The following GTF2E2 variants were observed in gnomAD, a reference collection of about 807,000 sequenced individuals.
The protein encoded by GTF2E2 is general transcription factor IIE subunit 2, also known as transcription initiation factor IIE subunit beta.
Under a neutral mutation model 40.5 loss-of-function variants are expected in GTF2E2, and 21 were observed. That is an observed-to-expected ratio of 0.52 (90% confidence interval 0.37 to 0.75). The LOEUF (loss-of-function observed/expected upper bound fraction) is 0.75, where lower values mean the gene tolerates loss of function less well. Ranked by LOEUF, GTF2E2 falls within the 30% of genes least tolerant of loss-of-function variation. GTF2E2 has a pLI of 0.00. For missense variants in GTF2E2, 298 were observed against 338.4 expected (o/e 0.88, Z 0.94); for synonymous variants, 117 against 121.6 (o/e 0.96, Z 0.25).
chr8:30,584,834 A>C (rs190688380), intron 6 of GTF2E2: 1 of 152,178 alleles, frequency 6.6e-6, no homozygotes, highest in Non-Finnish European at 1.5e-5. Flanking sequence ...TTTCCTGCAC[A>C]AAGTGGTGCA....
At chr8:30,621,712 A>T (rs1461164106) in intron 3 of GTF2E2, among the ~76,000 whole-genome samples, 2 of 152,036 alleles carry the variant, frequency 1.3e-5, no homozygotes, top group Non-Finnish European at 2.9e-5. Flanking sequence ...CTTACTGAAT[A>T]TACCTATTAA....
At chr8:30,645,740 T>A in intron 2 of GTF2E2, 1 of 761,890 alleles carries the variant, frequency 1.3e-6, no homozygotes, top group East Asian at 2.7e-5. Context: ...AAAAAAAAGT[T>A]AAACATGCAC....
intron 6 of GTF2E2, among the ~76,000 whole-genome samples, chr8:30,605,942 T>A (rs181529784): frequency 6.6e-6 from 1 of 152,308 alleles, no homozygotes; most frequent in African/African-American, 2.4e-5. Context: ...ATTAGAGGCA[T>A]GAGCCACCAT....
chr8:30,645,341 CCT>C (rs1430023208), intron 2 of GTF2E2: 1 of 1,535,626 alleles, frequency 6.5e-7, no homozygotes, highest in Non-Finnish European at 8.7e-7. Flanking sequence ...GAAACCACTA[CCT>C]CTGTTTATCA....
intron 1 of GTF2E2, among the ~76,000 whole-genome samples, chr8:30,656,212 C>G (rs1234398024): frequency 6.6e-6 from 1 of 152,160 alleles, no homozygotes; most frequent in Admixed American, 6.5e-5. Flanking sequence ...CTGTCCACAT[C>G]CAGCCCAATT....
chr8:30,591,906 T>C (rs1026441564), intron 6 of GTF2E2, among the ~76,000 whole-genome samples: 5 of 152,140 alleles, frequency 3.3e-5, no homozygotes, highest in African/African-American at 9.7e-5. Context: ...GAAAAGTGTA[T>C]GGCCATACAA....
intron 2 of GTF2E2, among the ~76,000 whole-genome samples, chr8:30,646,979 C>CAAAAAAAAAAAAAAAAA (rs56762565): frequency 2.0e-5 from 1 of 51,212 alleles, no homozygotes; most frequent in Non-Finnish European, 3.2e-5. Flanking sequence ...GACTCCGTCT[C>CAAAAAAAAAAAAAAAAA]AAAAAAAAAA....
At chr8:30,623,571 G>C (rs1801177017) in intron 3 of GTF2E2, among the ~76,000 whole-genome samples, 1 of 151,998 alleles carries the variant, frequency 6.6e-6, no homozygotes, top group South Asian at 2.1e-4. Flanking sequence ...TCTAGTTCTA[G>C]ATCCCTGAGG....
Position 30,578,934 on chromosome 8 carries a change from G to A in GTF2E2, c.863C>T (p.Thr288Ile). ...AGVLKDYSDI[T>I]SSK Reference sequence around the variant, plus strand: ...CAAAACTGTTCCCTATTTGCTGGAAGTAATGTCAGAGTAATCCTTCAGCAC... The same window carrying A: ...CAAAACTGTTCCCTATTTGCTGGAAATAATGTCAGAGTAATCCTTCAGCAC... The change falls in exon 8 of 8, where the codon ACT (threonine) becomes ATT (isoleucine). Residue 288 changes from threonine (T) to isoleucine (I), a missense_variant. Transcript: ENST00000355904. The A allele has an allele frequency of 6.5e-7, 1 of 1,543,574 alleles. No individual in the cohort carries two copies. The highest frequency in any genetic ancestry group is 9.0e-7 in the Non-Finnish European group (1 of 1,115,648).
intron 3 of GTF2E2, among the ~76,000 whole-genome samples, chr8:30,620,713 T>C (rs1297740198): frequency 2.1e-5 from 1 of 47,124 alleles, no homozygotes; most frequent in African/African-American, 2.1e-4. Context: ...TCACCTGAGT[T>C]CAGTAAGTAG....
At chr8:30,647,719 A>C (rs938032862) in intron 2 of GTF2E2, among the ~76,000 whole-genome samples, 1 of 152,270 alleles carries the variant, frequency 6.6e-6, no homozygotes, top group Admixed American at 6.5e-5. Flanking sequence ...GATATATAAA[A>C]TACTTTGGAA....
At chr8:30,642,944 T>A (rs1368573941) in intron 2 of GTF2E2, among the ~76,000 whole-genome samples, 1 of 152,192 alleles carries the variant, frequency 6.6e-6, no homozygotes, top group African/African-American at 2.4e-5. Flanking sequence ...ACCTCAAAAG[T>A]AGATGAGATA....
intron 3 of GTF2E2, among the ~76,000 whole-genome samples, chr8:30,619,391 T>C (rs945823943): frequency 1.0e-4 from 6 of 59,662 alleles, no homozygotes; most frequent in African/African-American, 5.7e-4. Flanking sequence ...ATAAACTGAC[T>C]TTTTTTTTTT....
In GTF2E2 at chr8:30,634,558, C is replaced by A. The variant is rs148249054; in HGVS notation, c.258+474G>T. 3.2e-3 allele frequency among the ~76,000 whole-genome samples: 489 copies of A among 152,252 alleles called. 1 individual carries two copies. Among genetic ancestry groups the A allele is most frequent in the African/African-American group, 0.011 (470 of 41,548 alleles). On this transcript the variant is annotated intron_variant, in intron 3 of 7. Coordinates refer to ENST00000355904, the MANE Select transcript of GTF2E2 (RefSeq NM_002095.6). Reference sequence around the variant, plus strand: ...TTCCATCAAACATTAAATTCTAATTCTTTTGTGAGTCAATGTTTTTCTAAG... The same window carrying A: ...TTCCATCAAACATTAAATTCTAATTATTTTGTGAGTCAATGTTTTTCTAAG...
intron 6 of GTF2E2, among the ~76,000 whole-genome samples, chr8:30,592,958 T>C (rs1828891921): frequency 6.6e-6 from 1 of 152,172 alleles, no homozygotes; most frequent in Non-Finnish European, 1.5e-5. Flanking sequence ...CCCAGCACTT[T>C]GGGAGGCTGA....
chr8:30,627,089 A>T lies in GTF2E2; in HGVS notation c.258+7943T>A, dbSNP rs539115795. ...TCATGCCAGCATGTTAAATGACAGT[A>T]AGTAAAATGCACAGCATGAGAAACT... On this transcript the variant is annotated intron_variant, in intron 3 of 7. Transcript: ENST00000355904. 2.0e-5 allele frequency among the ~76,000 whole-genome samples: 3 copies of T among 152,318 alleles called. No individual in the cohort carries two copies. The East Asian group carries it at 5.8e-4, about 29-fold the overall frequency.
chr8:30,634,466 A>C, intron 3 of GTF2E2, among the ~76,000 whole-genome samples: 1 of 152,178 alleles, frequency 6.6e-6, no homozygotes, highest in Non-Finnish European at 1.5e-5. Flanking sequence ...AAAAGGGAAA[A>C]AAAAAGATTC....
chr8:30,617,886 A>G (rs1585970081), intron 3 of GTF2E2, among the ~76,000 whole-genome samples: 1 of 152,204 alleles, frequency 6.6e-6, no homozygotes, highest in Non-Finnish European at 1.5e-5. Flanking sequence ...CCGGGCAGCT[A>G]TAGTACAGCA....
intron 2 of GTF2E2, among the ~76,000 whole-genome samples, chr8:30,644,035 C>A (rs1413501723): frequency 6.6e-6 from 1 of 152,010 alleles, no homozygotes; most frequent in Non-Finnish European, 1.5e-5. Context: ...TACATTTTTT[C>A]TCTTATTTCC....
Sources: gnomAD v4.1 joint callset for allele counts (sites outside exome capture counted in the v4.1 genomes callset) on GRCh38, gnomAD v4.1.1 for gene constraint, MANE v1.5 for transcripts, NCBI Gene and HGNC (gene_info 2026-07-23, HGNC 2026-07-21) for gene names.